Variants in FCRL6 observed in about 807,000 individuals in gnomAD.
FCRL6 encodes Fc receptor like 6.
Under a neutral mutation model 49.1 loss-of-function variants are expected in FCRL6, and 50 were observed. That is an observed-to-expected ratio of 1.02 (90% CI 0.81 to 1.29). FCRL6 has a LOEUF of 1.29. Ranked by LOEUF, FCRL6 falls within the 50% of genes most tolerant of loss-of-function variation. FCRL6 has a pLI of 0.00. For missense variants in FCRL6, 571 were observed against 518.5 expected, an observed-to-expected ratio of 1.10 and a Z score of -0.98; for synonymous variants, 213 against 199.6, an observed-to-expected ratio of 1.07 and a Z score of -0.57.
intron 1 of FCRL6, 75 bp from the exon 2 acceptor site, chr1:159,806,521 C>T: frequency 7.3e-7 from 1 of 1,367,008 alleles, no homozygotes; most frequent in Non-Finnish European, 1.0e-6. Context: ...GTCCCCATTG[C>T]TGAAGTGACA....
upstream of FCRL6, among the ~76,000 whole-genome samples, chr1:159,801,863 C>T (rs1048731510): frequency 6.6e-6 from 1 of 152,188 alleles, no homozygotes; most frequent in Non-Finnish European, 1.5e-5. Flanking sequence ...TCATCGATGT[C>T]TGATTCCCTC....
In FCRL6 at chr1:159,808,945, G is replaced by T; in HGVS notation, c.320-16G>T. 6.3e-7 allele frequency: 1 copy of T among 1,577,456 alleles called. No individual in the cohort carries two copies. ...CCAGGACTCCCCTCCTGAGTCCTGG[G>T]CCTGCATCTCCCCAGAGCTGTTTCC... On this transcript the variant is annotated splice_polypyrimidine_tract_variant and intron_variant, in intron 3 of 9. Coordinates refer to ENST00000368106, the MANE Select transcript of FCRL6 (RefSeq NM_001004310.3).
Position 159,811,981 on chromosome 1 carries a change from C to T in FCRL6, c.1010-1508C>T, listed in dbSNP as rs550192280. ...AACTGCCTCCCTCCCCAGCCCCAGA[C>T]GAGATGGTGAAAGAGTGGTCACTAG... On this transcript the variant is annotated intron_variant, in intron 6 of 9. Coordinates refer to ENST00000368106, the MANE Select transcript of FCRL6 (RefSeq NM_001004310.3). 6.6e-5 allele frequency among the ~76,000 whole-genome samples: 10 copies of T among 152,258 alleles called. No homozygotes were observed. In the South Asian group the frequency reaches 1.0e-3, roughly 16 times the overall value.
At chr1:159,805,845 C>A (rs2101736252) in intron 1 of FCRL6, among the ~76,000 whole-genome samples, 1 of 152,286 alleles carries the variant, frequency 6.6e-6, no homozygotes, top group Admixed American at 6.5e-5. Context: ...GAGATGGGAC[C>A]ACAAGAATCA....
rs1662839969 is a variant in FCRL6 at position 159,808,336 on chromosome 1, G to A, written c.211G>A (p.Gly71Arg). ...TAAGGAAAACCAGACTCTGTCCATG[G>A]GAGCAGCAACAGTGCAGAGCCGTGG... is the stretch of plus-strand genomic sequence containing the variant. ...FSKENQTLSM[G>R]AATVQSRGQY... The change falls in exon 3 of 10, where the codon GGA (glycine) becomes AGA (arginine). Residue 71 changes from glycine to arginine, a missense_variant. Transcript: ENST00000368106. 6 of 1,614,102 alleles carry A rather than the reference G, an allele frequency of 3.7e-6. No homozygotes were observed. The highest frequency in any genetic ancestry group is 1.6e-4 in the Middle Eastern group (1 of 6,084).
intron 6 of FCRL6, among the ~76,000 whole-genome samples, chr1:159,813,159 A>T (rs1663182810): frequency 6.6e-6 from 1 of 152,226 alleles, no homozygotes; most frequent in African/African-American, 2.4e-5. Flanking sequence ...AGTGTCTGGC[A>T]TATAGTGTAT....
chr1:159,804,765 G>C (rs1038452383), intron 1 of FCRL6, among the ~76,000 whole-genome samples: 7 of 152,252 alleles, frequency 4.6e-5, no homozygotes, highest in African/African-American at 1.7e-4. Context: ...CTTGTTTTTG[G>C]CTTCAGTAGT....
At chr1:159,810,705 GTACTT>G (rs954698357) in intron 6 of FCRL6, among the ~76,000 whole-genome samples, 30 of 152,276 alleles carry the variant, frequency 2.0e-4, no homozygotes, top group Middle Eastern at 3.4e-3. Flanking sequence ...ATCTTGTACA[GTACTT>G]TACTGTAGCA....
At chr1:159,814,114 C>T in intron 7 of FCRL6, 107 bp from the exon 8 acceptor site, 1 of 1,007,824 alleles carries the variant, frequency 9.9e-7, no homozygotes, top group Non-Finnish European at 1.5e-6. Flanking sequence ...TGCCACTTAT[C>T]ACCATAACAG....
intron 3 of FCRL6, 179 bp from the exon 4 acceptor site, chr1:159,808,782 A>G (rs6656168): frequency 0.21 from 134,515 of 650,152 alleles, 16,129 homozygotes; most frequent in African/African-American, 0.45. Flanking sequence ...GGGCCTGGCT[A>G]TGTGGGAGTC....
rs1662939566 is a variant in FCRL6 at position 159,809,400 on chromosome 1, A to G, written c.605-2A>G. ...GAGCCTCCCACCCCATGTGTGTCCC[A>G]GCTCCTGTATCCCGTCCTGTGCTCA... is the stretch of plus-strand genomic sequence containing the variant. On this transcript the variant is annotated splice_acceptor_variant, in intron 4 of 9. Coordinates refer to ENST00000368106, the MANE Select transcript of FCRL6 (RefSeq NM_001004310.3). LOFTEE classifies it high-confidence loss of function. The G allele has an allele frequency of 6.3e-7, 1 of 1,587,816 alleles. No homozygotes were observed. Among genetic ancestry groups the G allele is most frequent in the Admixed American group, 1.7e-5 (1 of 58,756 alleles).
At chr1:159,808,828 T>C in intron 3 of FCRL6, 133 bp from the exon 4 acceptor site, 1 of 856,124 alleles carries the variant, frequency 1.2e-6, no homozygotes, top group Non-Finnish European at 1.8e-6. Context: ...AGAGGACGGG[T>C]CCTAGGGATG....
At chr1:159,808,862 C>G in intron 3 of FCRL6, 99 bp from the exon 4 acceptor site, 1 of 1,320,264 alleles carries the variant, frequency 7.6e-7, no homozygotes, top group Non-Finnish European at 1.0e-6. Flanking sequence ...TCGGGGTCCC[C>G]GGGCTGCAGC....
intron 2 of FCRL6, among the ~76,000 whole-genome samples, chr1:159,807,125 C>G (rs993227134): frequency 6.6e-6 from 1 of 152,194 alleles, no homozygotes; most frequent in African/African-American, 2.4e-5. Flanking sequence ...AGGACATATT[C>G]TGTGATTCCA....
Position 159,815,636 on chromosome 1 carries a change from G to T in FCRL6, c.1280G>T (p.Ser427Ile). 3 of 1,614,132 alleles carry T rather than the reference G, an allele frequency of 1.9e-6. No individual in the cohort carries two copies. Among genetic ancestry groups the T allele is most frequent in the Non-Finnish European group, 2.5e-6 (3 of 1,180,024 alleles). Residue 427 changes from serine to isoleucine, a missense_variant, in exon 10 of 10, where the codon AGC becomes ATC. By Grantham distance (142) the Ser-to-Ile change is moderately radical. Coordinates refer to ENST00000368106, the MANE Select transcript of FCRL6 (RefSeq NM_001004310.3). ...AGCAGGACTCTCCAAGAACCCCTTAGCGACTGTGAGGAGGTTCTCTGCTAG... is the reference window on the plus strand; with the variant it reads ...AGCAGGACTCTCCAAGAACCCCTTATCGACTGTGAGGAGGTTCTCTGCTAG... Reference protein sequence around the residue: ...MRSRTLQEPLSDCEEVLC With the variant: ...MRSRTLQEPLIDCEEVLC
intron 3 of FCRL6, 44 bp downstream of exon 3, chr1:159,808,488 C>A: frequency 6.2e-7 from 1 of 1,611,780 alleles, no homozygotes; most frequent in South Asian, 1.1e-5. Context: ...AGGTGCTGCT[C>A]AAGGGTCCCG....
chr1:159,813,092 G>A (rs1571112385), intron 6 of FCRL6, among the ~76,000 whole-genome samples: 2 of 152,306 alleles, frequency 1.3e-5, no homozygotes, highest in South Asian at 4.1e-4. Flanking sequence ...ACTATGTGCT[G>A]GTCACTGGTT....
At chr1:159,813,286 T>A (rs777464886) in intron 6 of FCRL6, among the ~76,000 whole-genome samples, 74 of 152,282 alleles carry the variant, frequency 4.9e-4, no homozygotes, top group Middle Eastern at 3.4e-3. Context: ...AGTTTGTGAT[T>A]CCCATGGAGC....
chr1:159,808,391 A>T lies in FCRL6; in HGVS notation c.266A>T (p.Tyr89Phe). 1 of 1,614,224 alleles carries T rather than the reference A, an allele frequency of 6.2e-7. No individual in the cohort carries two copies. The highest frequency in any genetic ancestry group is 8.5e-7 in the Non-Finnish European group (1 of 1,180,022). Residue 89 changes from tyrosine to phenylalanine, a missense_variant, in exon 3 of 10, where the codon TAT (tyrosine) becomes TTT (phenylalanine). Transcript: ENST00000368106. Reference protein sequence around the residue: ...GQYSCSGQVMYIPQTFTQTSE... With the variant: ...GQYSCSGQVMFIPQTFTQTSE... ...TACAGCTGCTCTGGGCAGGTGATGT[A>T]TATTCCACAGACATTCACACAAACT...
Sources: gnomAD v4.1 joint callset for allele counts (sites outside exome capture counted in the v4.1 genomes callset) on GRCh38, gnomAD v4.1.1 for gene constraint, MANE v1.5 for transcripts, NCBI Gene and HGNC (gene_info 2026-07-23, HGNC 2026-07-21) for gene names.